Variants in DYNC1I1 observed in about 807,000 individuals in gnomAD.
DYNC1I1 encodes cytoplasmic dynein 1 intermediate chain 1.
DYNC1I1 carries 43 observed loss-of-function variants against 86.6 expected under a neutral mutation model. The observed-to-expected ratio is 0.50, with a 90% CI of 0.39 to 0.64. The LOEUF (loss-of-function observed/expected upper bound fraction) is 0.64, where lower values mean the gene tolerates loss of function less well. Among genes scored for constraint, DYNC1I1 ranks in the 30% least tolerant of loss-of-function variants. DYNC1I1 has a pLI of 0.00. For synonymous variants in DYNC1I1, 262 were observed against 283.7 expected (o/e 0.92, Z 0.77); for missense variants, 604 against 788.8 (o/e 0.77, Z 2.81).
At chr7:95,948,450 A>C (rs1199261433) in intron 6 of DYNC1I1, among the ~76,000 whole-genome samples, 1 of 152,160 alleles carries the variant, frequency 6.6e-6, no homozygotes, top group African/African-American at 2.4e-5. Flanking sequence ...CTCAAGCTGC[A>C]TTATTGAGGT....
At chr7:95,998,422 C>G (rs528557910) in intron 10 of DYNC1I1, among the ~76,000 whole-genome samples, 1 of 152,190 alleles carries the variant, frequency 6.6e-6, no homozygotes, top group African/African-American at 2.4e-5. Flanking sequence ...ACCTTCTAAC[C>G]CTAAATGGAA....
chr7:95,831,712 T>C (rs1299666143), intron 5 of DYNC1I1, among the ~76,000 whole-genome samples: 1 of 152,158 alleles, frequency 6.6e-6, no homozygotes, highest in African/African-American at 2.4e-5. Context: ...TGCATCTCAT[T>C]ATAGTTTTGA....
intron 9 of DYNC1I1, among the ~76,000 whole-genome samples, chr7:95,993,933 C>T (rs987765137): frequency 6.6e-6 from 1 of 152,122 alleles, no homozygotes; most frequent in Non-Finnish European, 1.5e-5. Flanking sequence ...TTTTGAGACT[C>T]CTATGTAGGA....
intron 2 of DYNC1I1, among the ~76,000 whole-genome samples, chr7:95,806,851 G>C (rs936250940): frequency 6.6e-6 from 1 of 152,138 alleles, no homozygotes; most frequent in African/African-American, 2.4e-5. Context: ...GACTTGGTTT[G>C]TTCTGAGCAG....
At chr7:95,823,295 C>T (rs1373369623) in intron 4 of DYNC1I1, among the ~76,000 whole-genome samples, 1 of 152,134 alleles carries the variant, frequency 6.6e-6, no homozygotes, top group Non-Finnish European at 1.5e-5. Flanking sequence ...TGTCTCCCTG[C>T]TGTGACTTCC....
intron 6 of DYNC1I1, among the ~76,000 whole-genome samples, chr7:95,951,584 G>A (rs1792555570): frequency 1.3e-5 from 2 of 152,186 alleles, no homozygotes; most frequent in African/African-American, 4.8e-5. Context: ...TACAGATTAA[G>A]ATTAAAATAT....
At chr7:95,819,655 T>C (rs971519826) in intron 4 of DYNC1I1, among the ~76,000 whole-genome samples, 2 of 152,130 alleles carry the variant, frequency 1.3e-5, no homozygotes, top group Admixed American at 1.3e-4. Flanking sequence ...ATTTTGCTTA[T>C]ACAAAAAAAT....
intron 16 of DYNC1I1, among the ~76,000 whole-genome samples, chr7:96,103,448 C>G (rs2116347673): frequency 6.6e-6 from 1 of 152,290 alleles, no homozygotes; most frequent in East Asian, 1.9e-4. Context: ...AGCCTCCTAA[C>G]TGGTCTCCCT....
chr7:96,056,852 T>C (rs1049849454), intron 14 of DYNC1I1, among the ~76,000 whole-genome samples: 1 of 152,186 alleles, frequency 6.6e-6, no homozygotes, highest in Non-Finnish European at 1.5e-5. Flanking sequence ...ATATATGGCA[T>C]GTGAAGTTTA....
intron 14 of DYNC1I1, among the ~76,000 whole-genome samples, chr7:96,061,833 A>G (rs2116171959): frequency 6.6e-6 from 1 of 152,076 alleles, no homozygotes; most frequent in East Asian, 1.9e-4. Context: ...AAAAAGTCAC[A>G]TTTTCGTCAA....
intron 10 of DYNC1I1, among the ~76,000 whole-genome samples, chr7:96,021,795 G>A (rs75016061): frequency 9.9e-5 from 15 of 152,212 alleles, no homozygotes; most frequent in South Asian, 8.3e-4. Context: ...TTCAGTTAGC[G>A]TAATGATTTC....
At chr7:95,869,807 G>A (rs1247264358) in intron 5 of DYNC1I1, 76 bp from the exon 6 acceptor site, 2 of 1,387,160 alleles carry the variant, frequency 1.4e-6, no homozygotes, top group African/African-American at 2.9e-5. Context: ...TTGTTTTAGT[G>A]CTTTCTTTTA....
intron 6 of DYNC1I1, among the ~76,000 whole-genome samples, chr7:95,876,625 G>A (rs998871430): frequency 6.6e-6 from 1 of 152,058 alleles, no homozygotes; most frequent in Non-Finnish European, 1.5e-5. Context: ...TCAAATATAA[G>A]CCCCGCTACA....
At chr7:95,945,800 C>G (rs1792382718) in intron 6 of DYNC1I1, among the ~76,000 whole-genome samples, 1 of 152,070 alleles carries the variant, frequency 6.6e-6, no homozygotes, top group South Asian at 2.1e-4. Flanking sequence ...AGAAAACACA[C>G]TAACACATCA....
At chr7:96,024,420 A>G (rs1794627811) in intron 10 of DYNC1I1, among the ~76,000 whole-genome samples, 1 of 152,178 alleles carries the variant, frequency 6.6e-6, no homozygotes, top group Non-Finnish European at 1.5e-5. Context: ...TAAAGGCCAT[A>G]CGTTATTTTT....
chr7:95,923,985 C>T (rs372747405), intron 6 of DYNC1I1, among the ~76,000 whole-genome samples: 9 of 151,980 alleles, frequency 5.9e-5, no homozygotes, highest in South Asian at 4.2e-4. Flanking sequence ...TCTTTATAGC[C>T]GTATTATTTG....
At chr7:96,110,289 C>G (rs748724657), downstream of DYNC1I1, 4 of 189,912 alleles carry the variant, frequency 2.1e-5, no homozygotes, top group Non-Finnish European at 4.5e-5. Context: ...CTGTTTATTC[C>G]TAGTAATAAT....
chr7:95,983,391 C>T (rs1248525062), intron 7 of DYNC1I1, among the ~76,000 whole-genome samples: 1 of 152,090 alleles, frequency 6.6e-6, no homozygotes. Flanking sequence ...TCACGTGTTG[C>T]CCTAATATTA....
chr7:96,030,331 TGTG>T (rs1211333076), intron 11 of DYNC1I1, among the ~76,000 whole-genome samples: 57 of 24,426 alleles, frequency 2.3e-3, no homozygotes, highest in African/African-American at 0.014. Flanking sequence ...ATGGTAGAGT[TGTG>T]TGTGTGTGTG....
Sources: allele counts gnomAD v4.1 joint callset (sites outside exome capture counted in the v4.1 genomes callset), GRCh38; gene constraint gnomAD v4.1.1; transcripts MANE v1.5; gene names NCBI Gene and HGNC (gene_info 2026-07-23, HGNC 2026-07-21).